Variants in DCHS2 observed in about 807,000 individuals in gnomAD.
DCHS2 encodes protocadherin-23.
A neutral mutation model predicts 182.4 loss-of-function variants in DCHS2; 142 were observed. The ratio of observed to expected loss-of-function variants is 0.78; its 90% CI spans 0.68 to 0.89. The LOEUF (loss-of-function observed/expected upper bound fraction) is 0.89. Among genes scored for constraint, DCHS2 ranks in the 40% least tolerant of loss-of-function variants. DCHS2 has a pLI of 0.00. For missense variants in DCHS2, 4,319 were observed against 4,198.6 expected, an observed-to-expected ratio of 1.03 and a Z score of -0.79; for synonymous variants, 1,740 against 1,663.3, an observed-to-expected ratio of 1.05 and a Z score of -1.12.
At chr4:154,292,832 G>A (rs1472290559) in intron 13 of DCHS2, among the ~76,000 whole-genome samples, 1 of 151,992 alleles carries the variant, frequency 6.6e-6, no homozygotes, top group Non-Finnish European at 1.5e-5. Flanking sequence ...TCTGCTTTTG[G>A]GACAGGCACC....
intron 1 of DCHS2, among the ~76,000 whole-genome samples, chr4:154,443,245 CA>C (rs1201779883): frequency 6.6e-6 from 1 of 151,988 alleles, no homozygotes; most frequent in African/African-American, 2.4e-5. Flanking sequence ...TACGGCTAAA[CA>C]AAAAAACAGT....
At chr4:154,431,234 T>C (rs1002665899) in intron 1 of DCHS2, among the ~76,000 whole-genome samples, 1 of 152,172 alleles carries the variant, frequency 6.6e-6, no homozygotes, top group Non-Finnish European at 1.5e-5. Flanking sequence ...GATTTAACAC[T>C]AAATTTTCTA....
intron 1 of DCHS2, among the ~76,000 whole-genome samples, chr4:154,437,016 C>A (rs1203043174): frequency 2.0e-4 from 30 of 152,142 alleles, no homozygotes; most frequent in Admixed American, 2.0e-3. Flanking sequence ...AATTTTAAAT[C>A]ATGTATCTGG....
chr4:154,380,546 C>A (rs1731122739), intron 1 of DCHS2, among the ~76,000 whole-genome samples: 1 of 152,114 alleles, frequency 6.6e-6, no homozygotes. Flanking sequence ...AAAATTCATT[C>A]TTAGCCTTTA....
chr4:154,395,570 A>G lies in DCHS2; in HGVS notation c.2053-18126T>C, dbSNP rs760647799. 6.6e-5 allele frequency among the ~76,000 whole-genome samples: 10 copies of G among 152,306 alleles called. No homozygotes were observed. The East Asian group carries it at 1.3e-3, about 21-fold the overall frequency. ...AGAGAGACCATCTCTGTATCCTTCA[A>G]TGCTAGTTCCCACTGCCCAGTAGGG... On this transcript the variant is annotated intron_variant, in intron 1 of 19. Transcript: ENST00000357232.
chr4:154,288,721 G>C (rs184418410), intron 13 of DCHS2, among the ~76,000 whole-genome samples: 1 of 152,120 alleles, frequency 6.6e-6, no homozygotes, highest in East Asian at 1.9e-4. Flanking sequence ...ATTATATAAA[G>C]TATCTTCTCT....
At chr4:154,301,018 T>G (rs565601347) in intron 12 of DCHS2, among the ~76,000 whole-genome samples, 1 of 152,200 alleles carries the variant, frequency 6.6e-6, no homozygotes, top group Non-Finnish European at 1.5e-5. Flanking sequence ...AATTTAAATA[T>G]CCTTATTCCT....
chr4:154,244,240 T>C (rs1262695297), intron 16 of DCHS2, among the ~76,000 whole-genome samples: 1 of 152,230 alleles, frequency 6.6e-6, no homozygotes, highest in Non-Finnish European at 1.5e-5. Context: ...GTATTGAATG[T>C]TGGTTTCTCA....
At chr4:154,428,908 T>G (rs549634974) in intron 1 of DCHS2, among the ~76,000 whole-genome samples, 30 of 149,968 alleles carry the variant, frequency 2.0e-4, no homozygotes, top group Non-Finnish European at 4.0e-4. Context: ...AGACTCCATC[T>G]CAAAGAAAAA....
intron 4 of DCHS2, chr4:154,334,632 G>C (rs1728700705): frequency 2.0e-6 from 1 of 487,858 alleles, no homozygotes; most frequent in African/African-American, 1.9e-5. Flanking sequence ...ATTATAATCT[G>C]TATTATTTTA....
intron 1 of DCHS2, among the ~76,000 whole-genome samples, chr4:154,391,773 C>T (rs1258220158): frequency 2.0e-5 from 3 of 152,128 alleles, no homozygotes; most frequent in Non-Finnish European, 4.4e-5. Flanking sequence ...CACCTGTACT[C>T]CATCAATGTG....
intron 1 of DCHS2, among the ~76,000 whole-genome samples, chr4:154,487,053 A>C (rs1728616299): frequency 6.6e-6 from 1 of 152,216 alleles, no homozygotes; most frequent in Non-Finnish European, 1.5e-5. Flanking sequence ...GATGATAGAA[A>C]CAACTCTAAA....
At chr4:154,312,407 A>G (rs1304077347) in intron 10 of DCHS2, among the ~76,000 whole-genome samples, 2 of 152,166 alleles carry the variant, frequency 1.3e-5, no homozygotes, top group Non-Finnish European at 2.9e-5. Context: ...AGAGAGACCC[A>G]GCGCTGTGAC....
At chr4:154,412,994 G>C (rs1453154445) in intron 1 of DCHS2, among the ~76,000 whole-genome samples, 1 of 152,198 alleles carries the variant, frequency 6.6e-6, no homozygotes, top group African/African-American at 2.4e-5. Flanking sequence ...AAAGGAAGAG[G>C]AGGAGGAAGG....
At chr4:154,289,050 G>T (rs936583994) in intron 13 of DCHS2, among the ~76,000 whole-genome samples, 1 of 151,596 alleles carries the variant, frequency 6.6e-6, no homozygotes, top group Non-Finnish European at 1.5e-5. Flanking sequence ...ACTCAAAATT[G>T]GTAGCAGAAA....
At chr4:154,384,611 G>T in intron 1 of DCHS2, 1 of 1,408,476 alleles carries the variant, frequency 7.1e-7, no homozygotes, top group Non-Finnish European at 9.5e-7. Context: ...AGGATTTTGA[G>T]AGGAGAATCT....
Position 154,259,624 on chromosome 4 carries a change from TC to T in DCHS2, c.6709del (p.Asp2237IlefsTer37). ...KVAVLIQDEN[D>X]NSPCFEQSIY... ...GCTTTGTTCAAAGCATGGTGAATTA[TC>T]ATTCTCATCCTGTATCAAGACTGCT... On this transcript the variant is annotated frameshift_variant, in exon 15 of 20. Coordinates refer to ENST00000357232, the MANE Select transcript of DCHS2 (RefSeq NM_001358235.2). LOFTEE classifies it high-confidence loss of function. 6.2e-7 allele frequency: 1 copy of T among 1,614,078 alleles called. No homozygotes were observed. The highest frequency in any genetic ancestry group is 8.5e-7 in the Non-Finnish European group (1 of 1,180,018).
At chr4:154,456,447 C>A (rs1734771527) in intron 1 of DCHS2, among the ~76,000 whole-genome samples, 1 of 152,138 alleles carries the variant, frequency 6.6e-6, no homozygotes, top group Non-Finnish European at 1.5e-5. Flanking sequence ...AGAGAGGAAC[C>A]CAACAGTGGA....
chr4:154,233,061 G>A lies in DCHS2; in HGVS notation c.*1475C>T, dbSNP rs1731267326. 6.6e-6 allele frequency: 1 copy of A among 152,120 alleles called. No individual in the cohort carries two copies. The highest frequency in any genetic ancestry group is 1.5e-5 in the Non-Finnish European group (1 of 68,038). The allele number at this position is 152,120 out of a possible 1,614,324, so 9.4% of individuals were successfully genotyped here. ...AATTATGTCACAAAATTTCACAGAT[G>A]AGGCCTATGGAAGAAGAACACAAAG... On this transcript the variant is annotated 3_prime_UTR_variant, in exon 20 of 20. Transcript: ENST00000357232.
Sources: allele counts gnomAD v4.1 joint callset (sites outside exome capture counted in the v4.1 genomes callset), GRCh38; gene constraint gnomAD v4.1.1; transcripts MANE v1.5; gene names NCBI Gene and HGNC (gene_info 2026-07-23, HGNC 2026-07-21).